Variants in PPM1B observed in about 807,000 individuals in gnomAD.
PPM1B encodes the protein protein phosphatase 1B.
Under a neutral mutation model 43.0 loss-of-function variants are expected in PPM1B, and 22 were observed. The observed-to-expected ratio is 0.51, with a 90% CI of 0.37 to 0.73. PPM1B has a LOEUF of 0.73. Among genes scored for constraint, PPM1B ranks in the 30% least tolerant of loss-of-function variants. PPM1B has a pLI of 0.00. For missense variants in PPM1B, 632 were observed against 584.2 expected, an observed-to-expected ratio of 1.08 and a Z score of -0.84; for synonymous variants, 217 against 197.9, an observed-to-expected ratio of 1.10 and a Z score of -0.81.
rs895948526 is a variant in PPM1B at position 44,202,608 on chromosome 2, G to C, written c.846+563G>C. Among the ~76,000 whole-genome samples the C allele has an allele frequency of 5.9e-5, 9 of 152,304 alleles. No homozygotes were observed. The East Asian group carries it at 1.7e-3, about 29-fold the overall frequency. ...AAAGGATTTACATGTGGCTCTCTAAGTAATACATGACTTGGATAGTATCTT... is the reference window on the plus strand; with the variant it reads ...AAAGGATTTACATGTGGCTCTCTAACTAATACATGACTTGGATAGTATCTT... On this transcript the variant is annotated intron_variant, in intron 2 of 5. Coordinates refer to ENST00000282412, the MANE Select transcript of PPM1B (RefSeq NM_002706.6).
chr2:44,244,187 C>CAT (rs111878311), intron 5 of PPM1B: 12,120 of 875,928 alleles, frequency 0.014, 16 homozygotes, highest in South Asian at 0.015. Flanking sequence ...AAAAAAAAAC[C>CAT]ATATATATAT....
chr2:44,232,829 T>C, downstream of PPM1B: 1 of 974,194 alleles, frequency 1.0e-6, no homozygotes, highest in Non-Finnish European at 1.2e-6. Context: ...TTGAGCAATT[T>C]CTATAGGATA....
At chr2:44,223,913 C>CCTTTGCT (rs1670095452) in intron 5 of PPM1B, among the ~76,000 whole-genome samples, 1 of 148,988 alleles carries the variant, frequency 6.7e-6, no homozygotes, top group Non-Finnish European at 1.5e-5. Context: ...ATAACACTTA[C>CCTTTGCT]CTTTGCTATG....
intron 2 of PPM1B, among the ~76,000 whole-genome samples, chr2:44,208,150 A>C (rs193003327): frequency 6.6e-6 from 1 of 151,860 alleles, no homozygotes; most frequent in Non-Finnish European, 1.5e-5. Flanking sequence ...AGCCTCCCAA[A>C]GTGCTGGGAT....
At chr2:44,185,502 CTA>C (rs1668077292) in intron 1 of PPM1B, among the ~76,000 whole-genome samples, 1 of 152,074 alleles carries the variant, frequency 6.6e-6, no homozygotes, top group Admixed American at 6.6e-5. Flanking sequence ...ATTTTATGAA[CTA>C]TATTTTTCTT....
intron 1 of PPM1B, among the ~76,000 whole-genome samples, chr2:44,187,952 ATG>A (rs1668205297): frequency 6.6e-6 from 1 of 152,088 alleles, no homozygotes; most frequent in Non-Finnish European, 1.5e-5. Context: ...GGGTTTCACC[ATG>A]TTAGCCAGGA....
At chr2:44,203,502 A>G (rs1466719714) in intron 2 of PPM1B, among the ~76,000 whole-genome samples, 1 of 152,196 alleles carries the variant, frequency 6.6e-6, no homozygotes, top group African/African-American at 2.4e-5. Flanking sequence ...TACTATTGGA[A>G]AAAAAATCCA....
intron 1 of PPM1B, among the ~76,000 whole-genome samples, chr2:44,189,825 C>G (rs1392556856): frequency 6.6e-6 from 1 of 152,182 alleles, no homozygotes; most frequent in Non-Finnish European, 1.5e-5. Context: ...CTTTTGATAT[C>G]TCTACCCATT....
At chr2:44,207,499 T>C (rs1572723694) in intron 2 of PPM1B, among the ~76,000 whole-genome samples, 1 of 152,210 alleles carries the variant, frequency 6.6e-6, no homozygotes. Context: ...TAAAGTAATA[T>C]ACCTTTAGAA....
intron 5 of PPM1B, among the ~76,000 whole-genome samples, chr2:44,228,608 GT>G (rs1391228968): frequency 6.6e-6 from 1 of 152,120 alleles, no homozygotes; most frequent in Non-Finnish European, 1.5e-5. Context: ...ATGGTTAAGA[GT>G]TTGTGTCACA....
chr2:44,188,138 TTTTG>T (rs757795768), intron 1 of PPM1B, among the ~76,000 whole-genome samples: 72 of 152,114 alleles, frequency 4.7e-4, no homozygotes, highest in Non-Finnish European at 8.4e-4. Flanking sequence ...AATTTTTGGG[TTTTG>T]TTTGTTTGTT....
At chr2:44,204,857 TCAAAAA>T (rs1175724203) in intron 2 of PPM1B, among the ~76,000 whole-genome samples, 1 of 37,340 alleles carries the variant, frequency 2.7e-5, no homozygotes, top group African/African-American at 1.3e-4. Context: ...AGACTCCGTC[TCAAAAA>T]AAAAAAAAAA....
downstream of PPM1B, among the ~76,000 whole-genome samples, chr2:44,235,053 C>T (rs1431467720): frequency 6.6e-6 from 1 of 152,200 alleles, no homozygotes; most frequent in African/African-American, 2.4e-5. Flanking sequence ...ATTTTAGTCA[C>T]TTCAGATAAC....
At chr2:44,226,355 T>C (rs1670208961) in intron 5 of PPM1B, among the ~76,000 whole-genome samples, 1 of 152,190 alleles carries the variant, frequency 6.6e-6, no homozygotes, top group Non-Finnish European at 1.5e-5. Flanking sequence ...TGATTAATAA[T>C]GTAAGTGTCA....
downstream of PPM1B, among the ~76,000 whole-genome samples, chr2:44,237,635 T>C (rs544420509): frequency 1.8e-4 from 28 of 152,352 alleles, no homozygotes; most frequent in Admixed American, 1.4e-3. Context: ...TTTACTTCTT[T>C]TAACTAGTAG....
At chr2:44,197,458 C>G (rs1047026412) in intron 1 of PPM1B, among the ~76,000 whole-genome samples, 1 of 152,062 alleles carries the variant, frequency 6.6e-6, no homozygotes, top group Non-Finnish European at 1.5e-5. Flanking sequence ...GTGCGTTTAT[C>G]AAAAACTAAA....
chr2:44,173,293 T>C (rs777167661), intron 1 of PPM1B, among the ~76,000 whole-genome samples: 63 of 152,254 alleles, frequency 4.1e-4, no homozygotes, highest in Non-Finnish European at 9.1e-4. Context: ...ATAGTGTATT[T>C]ATTTCTCAGA....
chr2:44,174,768 A>G (rs1330713073), intron 1 of PPM1B, among the ~76,000 whole-genome samples: 1 of 152,228 alleles, frequency 6.6e-6, no homozygotes, highest in Non-Finnish European at 1.5e-5. Context: ...GTAGGTATCA[A>G]GAGCACTCCT....
At chr2:44,211,390 G>C (rs1168826748) in intron 3 of PPM1B, among the ~76,000 whole-genome samples, 9 of 152,084 alleles carry the variant, frequency 5.9e-5, no homozygotes, top group Non-Finnish European at 1.3e-4. Context: ...TGGGTTGGCT[G>C]ATGTTTCCTC....
Sources: allele counts gnomAD v4.1 joint callset (sites outside exome capture counted in the v4.1 genomes callset), GRCh38; gene constraint gnomAD v4.1.1; transcripts MANE v1.5; gene names NCBI Gene and HGNC (gene_info 2026-07-23, HGNC 2026-07-21).